The following CYP27A1 variants were observed in gnomAD, a reference collection of about 807,000 sequenced individuals.
The protein encoded by CYP27A1 is cytochrome P450 family 27 subfamily A member 1.
A neutral mutation model predicts 58.2 loss-of-function variants in CYP27A1; 46 were observed. The observed-to-expected ratio is 0.79, with a 90% CI of 0.62 to 1.01. CYP27A1 has a LOEUF of 1.01. CYP27A1 is among the 50% of genes least tolerant of loss of function. The pLI, the probability that CYP27A1 is intolerant of heterozygous loss-of-function variation, is 0.00. For synonymous variants in CYP27A1, 274 were observed against 285.1 expected, an observed-to-expected ratio of 0.96 and a Z score of 0.39; for missense variants, 704 against 687.0, an observed-to-expected ratio of 1.02 and a Z score of -0.28.
chr2:218,801,404 G>A (rs2105975643), intron 1 of CYP27A1, among the ~76,000 whole-genome samples: 1 of 152,208 alleles, frequency 6.6e-6, no homozygotes, highest in Admixed American at 6.5e-5. Flanking sequence ...TACTCAGGAG[G>A]CTGAGGCAGG....
At chr2:218,783,777 G>A (rs1218246643) in intron 1 of CYP27A1, among the ~76,000 whole-genome samples, 2 of 152,200 alleles carry the variant, frequency 1.3e-5, no homozygotes, top group African/African-American at 4.8e-5. Flanking sequence ...GCTGGTCCTG[G>A]GCTGGGGTAG....
chr2:218,786,840 G>A (rs972152461), intron 1 of CYP27A1, among the ~76,000 whole-genome samples: 3 of 151,570 alleles, frequency 2.0e-5, no homozygotes, highest in Admixed American at 1.3e-4. Flanking sequence ...TGTCACCCAG[G>A]CTGGAGTGCA....
At chr2:218,803,213 C>A (rs924231070) in intron 1 of CYP27A1, among the ~76,000 whole-genome samples, 30 of 152,304 alleles carry the variant, frequency 2.0e-4, no homozygotes, top group African/African-American at 7.2e-4. Context: ...CCTGCCTTGG[C>A]CTCCCAAAGT....
intron 1 of CYP27A1, among the ~76,000 whole-genome samples, chr2:218,800,251 G>C (rs548824991): frequency 6.6e-6 from 1 of 152,188 alleles, no homozygotes; most frequent in Admixed American, 6.5e-5. Flanking sequence ...GGTGTTCCAG[G>C]AGGATCACAG....
chr2:218,813,955 C>CA, intron 5 of CYP27A1, 66 bp from the exon 6 acceptor site: 1 of 1,581,726 alleles, frequency 6.3e-7, no homozygotes, highest in Non-Finnish European at 8.7e-7. Context: ...CCCACTCATA[C>CA]ACCCTCCCAT....
chr2:218,812,686 A>G lies in CYP27A1; in HGVS notation c.781A>G (p.Thr261Ala), dbSNP rs1271066819. The G allele has an allele frequency of 1.9e-6, 3 of 1,613,770 alleles. No homozygotes were observed. The highest frequency in any genetic ancestry group is 2.7e-5 in the African/African-American group (2 of 74,818). The change falls in exon 4 of 9, where the codon ACT (threonine) becomes GCT (alanine). Residue 261 changes from threonine (T) to alanine (A), a missense_variant. Transcript: ENST00000258415. Reference protein sequence around the residue: ...SLYATFLPKWTRPVLPFWKRY... With the variant: ...SLYATFLPKWARPVLPFWKRY... ...CTATGCCACCTTCCTCCCCAAGTGG[A>G]CTCGCCCCGTGCTGCCTTTCTGGAA...
chr2:218,806,906 A>G (rs1943656948), intron 1 of CYP27A1, among the ~76,000 whole-genome samples: 1 of 151,506 alleles, frequency 6.6e-6, no homozygotes. Flanking sequence ...AATGTCTTAA[A>G]CTGGAAACAA....
intron 2 of CYP27A1, among the ~76,000 whole-genome samples, chr2:218,811,084 G>A (rs1011492376): frequency 1.3e-5 from 2 of 152,218 alleles, no homozygotes; most frequent in African/African-American, 4.8e-5. Context: ...CTGGGAGGTG[G>A]AGGTTGCAGT....
chr2:218,784,447 T>C (rs1943423971), intron 1 of CYP27A1, among the ~76,000 whole-genome samples: 1 of 152,244 alleles, frequency 6.6e-6, no homozygotes, highest in South Asian at 2.1e-4. Flanking sequence ...GGAAGATGCC[T>C]TCCCTCTTCA....
At chr2:218,794,377 A>G (rs560718809) in intron 1 of CYP27A1, among the ~76,000 whole-genome samples, 1 of 152,332 alleles carries the variant, frequency 6.6e-6, no homozygotes, top group African/African-American at 2.4e-5. Flanking sequence ...TCAGAGGCCT[A>G]AGGGTCCCCG....
rs748325824 is a variant in CYP27A1, at chr2:218,812,302, A to G, written c.527A>G (p.Asp176Gly). 8 of 1,614,200 alleles carry G rather than the reference A, an allele frequency of 5.0e-6. 1 individual carries two copies. In the East Asian group the frequency reaches 1.1e-4, roughly 22 times the overall value. ...CCAGCGGAAGCAGCGCTCTATACGG[A>G]TGCTTTCAATGAGGTGATTGATGAC... ...LKPAEAALYT[D>G]AFNEVIDDFM... is the part of the protein sequence containing the mutation. The change falls in exon 3 of 9, where the codon GAT (aspartate) becomes GGT (glycine). Residue 176 changes from aspartate (D) to glycine (G), a missense_variant. Transcript: ENST00000258415.
At chr2:218,796,281 C>T (rs1575200587) in intron 1 of CYP27A1, among the ~76,000 whole-genome samples, 1 of 152,032 alleles carries the variant, frequency 6.6e-6, no homozygotes, top group Non-Finnish European at 1.5e-5. Flanking sequence ...CTGATGCAAA[C>T]AACTATATTG....
At chr2:218,812,860 C>T in intron 4 of CYP27A1, 64 bp from the exon 5 acceptor site, 1 of 1,610,500 alleles carries the variant, frequency 6.2e-7, no homozygotes, top group South Asian at 1.1e-5. Context: ...GTCGGAGTGG[C>T]TCTTGGTCCT....
intron 1 of CYP27A1, among the ~76,000 whole-genome samples, chr2:218,792,202 C>A (rs1004974453): frequency 1.3e-5 from 2 of 152,134 alleles, no homozygotes; most frequent in African/African-American, 2.4e-5. Context: ...CTCTGTGAGT[C>A]CATGCTTAAC....
intron 1 of CYP27A1, among the ~76,000 whole-genome samples, chr2:218,790,451 A>G (rs951498972): frequency 6.6e-6 from 1 of 152,252 alleles, no homozygotes; most frequent in Non-Finnish European, 1.5e-5. Context: ...TCAAAGAATC[A>G]GCTAAAGACT....
chr2:218,800,279 G>C (rs371155942), intron 1 of CYP27A1, among the ~76,000 whole-genome samples: 1 of 152,046 alleles, frequency 6.6e-6, no homozygotes, highest in Non-Finnish European at 1.5e-5. Context: ...AGTCTTCAAG[G>C]CTCAGGGAAG....
At chr2:218,803,093 C>T (rs951498637) in intron 1 of CYP27A1, among the ~76,000 whole-genome samples, 24 of 152,174 alleles carry the variant, frequency 1.6e-4, no homozygotes, top group African/African-American at 2.9e-4. Flanking sequence ...TACAAGTGTG[C>T]GCCATCACGC....
intron 1 of CYP27A1, among the ~76,000 whole-genome samples, chr2:218,796,461 G>T (rs2105973996): frequency 6.6e-6 from 1 of 152,206 alleles, no homozygotes; most frequent in Non-Finnish European, 1.5e-5. Context: ...AGGCGTGGTG[G>T]TACACACCTA....
chr2:218,815,101 C>T lies in CYP27A1; in HGVS notation c.*71C>T, dbSNP rs908058084. The T allele has an allele frequency of 6.3e-7, 1 of 1,599,316 alleles. No homozygotes were observed. Among genetic ancestry groups the T allele is most frequent in the Non-Finnish European group, 8.6e-7 (1 of 1,168,518 alleles). On this transcript the variant is annotated 3_prime_UTR_variant, in exon 9 of 9. Transcript: ENST00000258415. ...TGGCACAGTGGTTCCTGGCTGCTGC[C>T]ATGTCTCAGATGAGGAGGGAGAGAA...
Sources: allele counts gnomAD v4.1 joint callset (sites outside exome capture counted in the v4.1 genomes callset), GRCh38; gene constraint gnomAD v4.1.1; transcripts MANE v1.5; gene names NCBI Gene and HGNC (gene_info 2026-07-23, HGNC 2026-07-21).